KCNJ6: variants seen among roughly 807,000 people sequenced by gnomAD.
KCNJ6 encodes G protein-activated inward rectifier potassium channel 2.
KCNJ6 carries 9 observed loss-of-function variants against 34.2 expected under a neutral mutation model. The ratio of observed to expected loss-of-function variants is 0.26; its 90% CI spans 0.16 to 0.46. KCNJ6 has a LOEUF of 0.46. KCNJ6 is among the 20% of genes least tolerant of loss of function. The pLI is 1.00. For missense variants in KCNJ6, 236 were observed against 531.3 expected (o/e 0.44, Z 5.46); for synonymous variants, 196 against 207.1 (o/e 0.95, Z 0.46).
chr21:37,908,313 G>A (rs2055851334), intron 1 of KCNJ6, among the ~76,000 whole-genome samples: 1 of 152,200 alleles, frequency 6.6e-6, no homozygotes. Context: ...ATGGAACTTA[G>A]TTTCCAAGTT....
At chr21:37,885,111 A>G (rs562738116) in intron 1 of KCNJ6, among the ~76,000 whole-genome samples, 155 of 152,254 alleles carry the variant, frequency 1.0e-3, no homozygotes, top group Admixed American at 1.7e-3. Flanking sequence ...TGTCCATCCT[A>G]TCCCTGGATT....
At chr21:37,838,786 A>G (rs887821237) in intron 2 of KCNJ6, among the ~76,000 whole-genome samples, 12 of 152,178 alleles carry the variant, frequency 7.9e-5, no homozygotes, top group Admixed American at 6.5e-4. Context: ...CTGTGTCCCC[A>G]TGCAAATCTC....
chr21:37,723,229 C>A (rs1388415039), intron 2 of KCNJ6, among the ~76,000 whole-genome samples: 1 of 152,142 alleles, frequency 6.6e-6, no homozygotes, highest in Non-Finnish European at 1.5e-5. Flanking sequence ...AGTGAGATAC[C>A]TTCTCACACC....
At chr21:37,651,355 G>C (rs1394451352) in intron 3 of KCNJ6, among the ~76,000 whole-genome samples, 1 of 152,228 alleles carries the variant, frequency 6.6e-6, no homozygotes, top group Non-Finnish European at 1.5e-5. Context: ...TCTAAAAGCA[G>C]TAAGAAGGCA....
rs10539396 is a variant in KCNJ6 at position 37,818,211 on chromosome 21, C to CGTGT, written c.25+22443_25+22446dup. On this transcript the variant is annotated intron_variant, in intron 2 of 3. Coordinates refer to ENST00000609713, the MANE Select transcript of KCNJ6 (RefSeq NM_002240.5). ...AAAAGTGCGTGTGTGTGTGTGCGTG[C>CGTGT]GTGTGTGTGTGTGTGTGTGTGTGTG... 2.2e-3 allele frequency among the ~76,000 whole-genome samples: 328 copies of CGTGT among 148,316 alleles called. 1 individual carries two copies. Among genetic ancestry groups the CGTGT allele is most frequent in the African/African-American group, 4.1e-3 (167 of 40,270 alleles).
intron 1 of KCNJ6, among the ~76,000 whole-genome samples, chr21:37,888,101 T>C (rs2123631446): frequency 6.6e-6 from 1 of 152,340 alleles, no homozygotes; most frequent in Admixed American, 6.5e-5. Context: ...GACAGGCCCA[T>C]GAAAACCAAG....
At chr21:37,854,576 C>T (rs960721101) in intron 1 of KCNJ6, among the ~76,000 whole-genome samples, 1 of 152,162 alleles carries the variant, frequency 6.6e-6, no homozygotes, top group Admixed American at 6.5e-5. Context: ...TGTTTGATAG[C>T]ACAGTAGAAT....
At chr21:37,812,283 C>T (rs899268611) in intron 2 of KCNJ6, among the ~76,000 whole-genome samples, 2 of 152,246 alleles carry the variant, frequency 1.3e-5, no homozygotes, top group Middle Eastern at 3.4e-3. Context: ...CTGGTTGTTC[C>T]TCTTAGAGCT....
rs772348723 is a variant in KCNJ6, at chr21:37,714,755, G to A, written c.402C>T (p.Thr134=). Residue 134 remains threonine (T), a synonymous_variant, in exon 3 of 4, where the codon ACC becomes ACT. Transcript: ENST00000609713. This position sits in a 1 kb window ranked among gnomAD's most constrained non-coding sequence, Gnocchi z 5.9. ...AAGCAGAGACGAACCCGTTGAGGTT[G>A]GTAACACAAGGAGTCCAGGAGGGGT... ...IEDPSWTPCV[T]NLNGFVSAFL... is the part of the protein sequence containing the mutation. The A allele has an allele frequency of 9.7e-5, 156 of 1,614,044 alleles. No individual in the cohort carries two copies. The highest frequency in any genetic ancestry group is 1.3e-4 in the Non-Finnish European group (154 of 1,180,024).
intron 1 of KCNJ6, among the ~76,000 whole-genome samples, chr21:37,904,765 G>A (rs2055833245): frequency 6.6e-6 from 1 of 152,248 alleles, no homozygotes; most frequent in South Asian, 2.1e-4. Context: ...TGAACATCAA[G>A]CAACATTGTT....
intron 3 of KCNJ6, among the ~76,000 whole-genome samples, chr21:37,646,683 T>TTA (rs201029001): frequency 0.015 from 408 of 26,356 alleles, no homozygotes; most frequent in African/African-American, 0.058. Context: ...TTTTTATTTT[T>TTA]TTTTTTGAGA....
Position 37,655,261 on chromosome 21 carries a change from G to A in KCNJ6, c.947-29777C>T, listed in dbSNP as rs1184933941. Among the ~76,000 whole-genome samples the A allele has an allele frequency of 9.9e-3, 1,353 of 136,084 alleles. 47 individuals are homozygous for A. Among genetic ancestry groups the A allele is most frequent in the African/African-American group, 0.038 (1,179 of 31,124 alleles). The allele number at this position is 136,084 out of a possible 152,430, so 89.3% of individuals were successfully genotyped here. On this transcript the variant is annotated intron_variant, in intron 3 of 3. Coordinates refer to ENST00000609713, the MANE Select transcript of KCNJ6 (RefSeq NM_002240.5). ...AGAGAGAGAGAGAGAGAGAGAGAGAGAGAGAGAGAGAGAGAGAGAGAGAGT... is the reference window on the plus strand; with the variant it reads ...AGAGAGAGAGAGAGAGAGAGAGAGAAAGAGAGAGAGAGAGAGAGAGAGAGT...
At chr21:37,745,072 GTTTTTTTTTTTTTTTTTTTTT>G (rs58661633) in intron 2 of KCNJ6, among the ~76,000 whole-genome samples, 5 of 89,466 alleles carry the variant, frequency 5.6e-5, no homozygotes, top group African/African-American at 1.5e-4. Flanking sequence ...AACGTTGCTG[GTTTTTTTTTTTTTTTTTTTTT>G]TTTTTTTTTT....
intron 2 of KCNJ6, among the ~76,000 whole-genome samples, chr21:37,720,519 G>T (rs2054819482): frequency 6.6e-6 from 1 of 152,184 alleles, no homozygotes; most frequent in Non-Finnish European, 1.5e-5. Context: ...AGGGTGTCCA[G>T]GAGGCCTGGG....
chr21:37,799,030 A>G (rs997875753), intron 2 of KCNJ6, among the ~76,000 whole-genome samples: 2 of 152,168 alleles, frequency 1.3e-5, no homozygotes, highest in African/African-American at 2.4e-5. Flanking sequence ...GGTATTAAAC[A>G]TAGTACCTAT....
chr21:37,643,148 C>T (rs1302915566), intron 3 of KCNJ6, among the ~76,000 whole-genome samples: 1 of 152,142 alleles, frequency 6.6e-6, no homozygotes, highest in Non-Finnish European at 1.5e-5. Context: ...GATCTATGGG[C>T]TCCAGTCCTA....
chr21:37,725,774 C>T (rs1371998675), intron 2 of KCNJ6, among the ~76,000 whole-genome samples: 2 of 152,208 alleles, frequency 1.3e-5, no homozygotes, highest in Non-Finnish European at 2.9e-5. Context: ...ATCACCAGAG[C>T]ATTGGTTAAA....
At position 37,625,321 on chromosome 21, in the gene KCNJ6, C is replaced by T. The variant is rs571954844; in HGVS notation, c.1110G>A (p.Leu370=). ...GCTCTGCCCTGCTGGCTAACTCGGC[C>T]AGCTCTTTGGCACTAAGGGATGGGG... The part of the protein sequence containing the change: ...TSTPSLSAKE[L]AELASRAELP... Residue 370 remains leucine (L), a synonymous_variant, in exon 4 of 4, where the codon CTG becomes CTA. Coordinates refer to ENST00000609713, the MANE Select transcript of KCNJ6 (RefSeq NM_002240.5). 16 of 1,614,236 alleles carry T rather than the reference C, an allele frequency of 9.9e-6. No homozygotes were observed. Among genetic ancestry groups the T allele is most frequent in the Admixed American group, 3.3e-5 (2 of 60,032 alleles).
intron 3 of KCNJ6, among the ~76,000 whole-genome samples, chr21:37,670,637 T>C (rs2054537173): frequency 6.6e-6 from 1 of 152,176 alleles, no homozygotes; most frequent in African/African-American, 2.4e-5. Flanking sequence ...TGGTGGTGCA[T>C]GCTTGTAGTC....
Sources: allele counts gnomAD v4.1 joint callset (sites outside exome capture counted in the v4.1 genomes callset), GRCh38; gene constraint gnomAD v4.1.1; non-coding constraint Gnocchi (gnomAD v3.1); transcripts MANE v1.5; gene names NCBI Gene and HGNC (gene_info 2026-07-23, HGNC 2026-07-21).